Variants in RASGRF2 observed in about 807,000 individuals in gnomAD.
RASGRF2 encodes ras-specific guanine nucleotide-releasing factor 2.
In RASGRF2, 76 loss-of-function variants were observed where a neutral mutation model predicts 151.0. The observed-to-expected ratio is 0.50, with a 90% confidence interval of 0.42 to 0.61. The LOEUF (loss-of-function observed/expected upper bound fraction) is 0.61. RASGRF2 is among the 20% of genes least tolerant of loss of function. The pLI is 0.00. For synonymous variants in RASGRF2, 504 were observed against 566.5 expected, an observed-to-expected ratio of 0.89 and a Z score of 1.57; for missense variants, 1,148 against 1,564.6, an observed-to-expected ratio of 0.73 and a Z score of 4.49.
At chr5:81,134,393 A>C (rs382926) in intron 17 of RASGRF2, among the ~76,000 whole-genome samples, 1 of 151,732 alleles carries the variant, frequency 6.6e-6, no homozygotes, top group African/African-American at 2.4e-5. Flanking sequence ...TCCTGTGTGC[A>C]TCACCTTGGA....
At chr5:81,012,834 G>A (rs1256502598) in intron 1 of RASGRF2, among the ~76,000 whole-genome samples, 1 of 152,026 alleles carries the variant, frequency 6.6e-6, no homozygotes, top group Non-Finnish European at 1.5e-5. Context: ...AGCTCAATAT[G>A]GCCTTGAAAG....
intron 1 of RASGRF2, among the ~76,000 whole-genome samples, chr5:80,970,049 T>C (rs886349146): frequency 6.6e-6 from 1 of 151,598 alleles, no homozygotes; most frequent in Non-Finnish European, 1.5e-5. Context: ...GGTCTTGAAC[T>C]CCTAACCTCA....
At chr5:81,155,375 GA>G (rs1218669131) in intron 17 of RASGRF2, among the ~76,000 whole-genome samples, 1 of 151,746 alleles carries the variant, frequency 6.6e-6, no homozygotes, top group Non-Finnish European at 1.5e-5. Flanking sequence ...TAGAAAACAG[GA>G]AAAAACATTA....
chr5:81,008,524 T>C (rs1001391670), intron 1 of RASGRF2, among the ~76,000 whole-genome samples: 1 of 152,204 alleles, frequency 6.6e-6, no homozygotes, highest in Non-Finnish European at 1.5e-5. Flanking sequence ...ATAATGTTAT[T>C]TAATTGCTTT....
intron 2 of RASGRF2, among the ~76,000 whole-genome samples, chr5:81,049,135 C>A (rs1205546437): frequency 7.2e-6 from 1 of 139,394 alleles, no homozygotes; most frequent in Non-Finnish European, 1.5e-5. Flanking sequence ...TTGAATTACA[C>A]CAGTAATACA....
rs762954016 is a variant in RASGRF2, at chr5:81,160,679, CAAAAATAAT to C, written c.2687-19493_2687-19485del. Among the ~76,000 whole-genome samples the C allele has an allele frequency of 2.1e-4, 21 of 101,892 alleles. No homozygotes were observed. In the East Asian group the frequency reaches 5.0e-3, roughly 24 times the overall value. The allele number at this position is 101,892 out of a possible 152,430, so 66.8% of individuals were successfully genotyped here. ...TGGGTGACAGAGCAAGACTCTGTCTCAAAAATAATAATAATAATAATAATAATAATAATA... is the reference window on the plus strand; with the variant it reads ...TGGGTGACAGAGCAAGACTCTGTCTCAATAATAATAATAATAATAATAATA... On this transcript the variant is annotated intron_variant, in intron 17 of 26. Coordinates refer to ENST00000265080, the MANE Select transcript of RASGRF2 (RefSeq NM_006909.3).
chr5:81,087,542 C>A, intron 9 of RASGRF2: 1 of 581,764 alleles, frequency 1.7e-6, no homozygotes, highest in African/African-American at 1.9e-5. Context: ...GGGCATCACT[C>A]GATAAATTAA....
At chr5:80,971,831 A>T (rs1747945013) in intron 1 of RASGRF2, among the ~76,000 whole-genome samples, 1 of 151,946 alleles carries the variant, frequency 6.6e-6, no homozygotes, top group Non-Finnish European at 1.5e-5. Flanking sequence ...TTGGCCTCCC[A>T]AAGTGCTGGG....
chr5:81,167,674 C>T (rs1386546992), intron 17 of RASGRF2, among the ~76,000 whole-genome samples: 4 of 152,158 alleles, frequency 2.6e-5, no homozygotes, highest in South Asian at 2.1e-4. Flanking sequence ...TCTGACCCCT[C>T]GGCCTCTCCT....
chr5:81,098,032 C>A (rs965273711), intron 12 of RASGRF2, among the ~76,000 whole-genome samples: 1 of 152,080 alleles, frequency 6.6e-6, no homozygotes, highest in Non-Finnish European at 1.5e-5. Flanking sequence ...ATAGTCCAGG[C>A]GAGAGATGTT....
intron 25 of RASGRF2, 101 bp downstream of exon 25, chr5:81,217,574 CTTTTTTTTTTTT>C (rs71603577): frequency 9.2e-4 from 167 of 181,596 alleles, no homozygotes; most frequent in Non-Finnish European, 1.1e-3. Context: ...TTTTTCTCTT[CTTTTTTTTTTTT>C]TTTTTTTTTT....
intron 26 of RASGRF2, among the ~76,000 whole-genome samples, chr5:81,221,464 G>C (rs139196440): frequency 6.6e-6 from 1 of 152,064 alleles, no homozygotes; most frequent in East Asian, 1.9e-4. Context: ...CTTGGCCATC[G>C]GGTGCTCTTT....
intron 26 of RASGRF2, among the ~76,000 whole-genome samples, chr5:81,222,785 A>C (rs923898043): frequency 6.6e-6 from 1 of 152,232 alleles, no homozygotes; most frequent in African/African-American, 2.4e-5. Context: ...TTTGAACAGG[A>C]AAAAATTCAC....
At chr5:81,055,596 G>T (rs1435813108) in intron 2 of RASGRF2, among the ~76,000 whole-genome samples, 6 of 152,070 alleles carry the variant, frequency 3.9e-5, no homozygotes, top group Middle Eastern at 6.8e-3. Context: ...CCTCTTTTTT[G>T]TGTGTGTGTC....
intron 1 of RASGRF2, among the ~76,000 whole-genome samples, chr5:80,965,430 A>G (rs1161370507): frequency 1.3e-5 from 2 of 152,192 alleles, no homozygotes; most frequent in Non-Finnish European, 2.9e-5. Flanking sequence ...CCTTCTCTTT[A>G]AAGTTAAATG....
chr5:81,075,581 T>C (rs1751914152), intron 5 of RASGRF2, among the ~76,000 whole-genome samples: 1 of 152,166 alleles, frequency 6.6e-6, no homozygotes, highest in Admixed American at 6.5e-5. Flanking sequence ...GATGTGGGTT[T>C]TAAGAGAAAG....
chr5:81,144,814 C>G (rs1753966237), intron 17 of RASGRF2, among the ~76,000 whole-genome samples: 1 of 152,134 alleles, frequency 6.6e-6, no homozygotes, highest in South Asian at 2.1e-4. Flanking sequence ...CACCTAAGGT[C>G]ACTTAGGTCA....
chr5:81,080,320 G>T, intron 6 of RASGRF2, 120 bp downstream of exon 6: 2 of 1,497,404 alleles, frequency 1.3e-6, no homozygotes, highest in Non-Finnish European at 1.8e-6. Context: ...GTGAGCTTCT[G>T]TATCCCGGGA....
chr5:81,103,927 T>C (rs1308494175), intron 12 of RASGRF2, among the ~76,000 whole-genome samples: 1 of 151,316 alleles, frequency 6.6e-6, no homozygotes, highest in Non-Finnish European at 1.5e-5. Context: ...TATGAACAAA[T>C]CTTAAAAGCA....
Sources: allele counts gnomAD v4.1 joint callset (sites outside exome capture counted in the v4.1 genomes callset), GRCh38; gene constraint gnomAD v4.1.1; transcripts MANE v1.5; gene names NCBI Gene and HGNC (gene_info 2026-07-23, HGNC 2026-07-21).